The following PLXNA4 variants were observed in gnomAD, a reference collection of about 807,000 sequenced individuals.
PLXNA4 encodes the protein plexin-A4.
PLXNA4 carries 44 observed loss-of-function variants against 191.8 expected under a neutral mutation model. That is an observed-to-expected ratio of 0.23 (90% CI 0.18 to 0.29). The LOEUF is 0.29. PLXNA4 is among the 10% of genes least tolerant of loss of function. The pLI is 1.00. For missense variants in PLXNA4, 1,800 were observed against 2,488.8 expected (o/e 0.72, Z 5.89); for synonymous variants, 1,082 against 1,009.5 (o/e 1.07, Z -1.36).
At chr7:132,332,191 C>T (rs753438145) in intron 3 of PLXNA4, among the ~76,000 whole-genome samples, 2 of 152,158 alleles carry the variant, frequency 1.3e-5, no homozygotes, top group East Asian at 1.9e-4. Context: ...GTGCCCACGT[C>T]GAGTGTGGAA....
intron 3 of PLXNA4, among the ~76,000 whole-genome samples, chr7:132,402,033 G>A (rs745648007): frequency 7.9e-5 from 12 of 152,090 alleles, no homozygotes; most frequent in Admixed American, 3.9e-4. Flanking sequence ...TTCCCCAGTC[G>A]AGAGCCCAGC....
intron 2 of PLXNA4, among the ~76,000 whole-genome samples, chr7:132,601,628 C>T (rs1258279749): frequency 1.3e-5 from 2 of 152,190 alleles, no homozygotes; most frequent in Non-Finnish European, 1.5e-5. Context: ...GATAAAGTGC[C>T]TGGGTTCCTT....
At chr7:132,306,569 G>A (rs1801530982) in intron 3 of PLXNA4, among the ~76,000 whole-genome samples, 1 of 152,200 alleles carries the variant, frequency 6.6e-6, no homozygotes, top group African/African-American at 2.4e-5. Flanking sequence ...GGTTCTAAAT[G>A]ATGTAGCCCT....
At position 132,422,008 on chromosome 7, in the gene PLXNA4, T is replaced by C. The variant is rs547284897; in HGVS notation, c.1371+67284A>G. 4.6e-5 allele frequency among the ~76,000 whole-genome samples: 7 copies of C among 152,316 alleles called. No homozygotes were observed. In the South Asian group the frequency reaches 1.5e-3, roughly 32 times the overall value. On this transcript the variant is annotated intron_variant, in intron 3 of 31. Transcript: ENST00000321063. ...TTCTCCCAACAATGAGGTAATGTCT[T>C]CAAAGTGCCCTGAGCCTTTCACAGG...
At chr7:132,615,725 G>C (rs888788486) in intron 2 of PLXNA4, among the ~76,000 whole-genome samples, 9 of 152,142 alleles carry the variant, frequency 5.9e-5, no homozygotes. Context: ...TTGAGCCAGA[G>C]GAAGAAAAAC....
intron 1 of PLXNA4, among the ~76,000 whole-genome samples, chr7:132,535,179 T>A (rs1799781880): frequency 6.6e-6 from 1 of 152,184 alleles, no homozygotes; most frequent in Admixed American, 6.5e-5. Context: ...AAAAAAGAAA[T>A]CAAAACTATG....
chr7:132,241,299 A>C, intron 4 of PLXNA4, 133 bp from the exon 5 acceptor site: 2 of 612,594 alleles, frequency 3.3e-6, no homozygotes, highest in South Asian at 5.2e-5. Flanking sequence ...CTTGGAGCCC[A>C]GTGTGGGAAG....
chr7:132,134,395 A>G (rs979668669), intron 30 of PLXNA4, among the ~76,000 whole-genome samples: 1 of 152,138 alleles, frequency 6.6e-6, no homozygotes, highest in Non-Finnish European at 1.5e-5. Flanking sequence ...TTCCTGTGCC[A>G]TCTCAGTCAT....
Position 132,146,522 on chromosome 7 carries a change from G to A in PLXNA4, c.5043C>T (p.Leu1681=). 2 of 1,614,146 alleles carry A rather than the reference G, an allele frequency of 1.2e-6. No individual in the cohort carries two copies. The highest frequency in any genetic ancestry group is 1.1e-5 in the South Asian group (1 of 91,072). Reference sequence around the variant, plus strand: ...TCAAGTCTGATACCTTAGTGGCCAGGAGTCGGGTCAGGTAGATTTCAGACA... The same window carrying A: ...TCAAGTCTGATACCTTAGTGGCCAGAAGTCGGGTCAGGTAGATTTCAGACA... ...KMVSEIYLTR[L]LATKGTLQKF... is the part of the protein sequence containing the mutation. Residue 1681 remains leucine (L), a synonymous_variant, in exon 28 of 32, where the codon CTC becomes CTT. Coordinates refer to ENST00000321063, the MANE Select transcript of PLXNA4 (RefSeq NM_020911.2).
At chr7:132,484,895 G>A in intron 3 of PLXNA4, 1 of 1,614,190 alleles carries the variant, frequency 6.2e-7, no homozygotes, top group Non-Finnish European at 8.5e-7. Flanking sequence ...TTTGTGACTT[G>A]AGCACTGAAG....
intron 12 of PLXNA4, among the ~76,000 whole-genome samples, chr7:132,201,430 T>C (rs1459128369): frequency 1.3e-5 from 2 of 152,198 alleles, no homozygotes; most frequent in Non-Finnish European, 2.9e-5. Context: ...CCTATGACTG[T>C]GCCTGCCACT....
At chr7:132,365,164 T>C (rs1215535178) in intron 3 of PLXNA4, among the ~76,000 whole-genome samples, 2 of 152,160 alleles carry the variant, frequency 1.3e-5, no homozygotes, top group Non-Finnish European at 2.9e-5. Flanking sequence ...CTCATCTCAT[T>C]GAAGTCTATG....
intron 10 of PLXNA4, among the ~76,000 whole-genome samples, chr7:132,210,430 C>T (rs1178186619): frequency 6.6e-6 from 1 of 152,180 alleles, no homozygotes; most frequent in Non-Finnish European, 1.5e-5. Flanking sequence ...AAGCAGCGCT[C>T]TCCTAGCCAG....
intron 3 of PLXNA4, among the ~76,000 whole-genome samples, chr7:132,337,190 A>T (rs1166412036): frequency 6.6e-6 from 1 of 152,232 alleles, no homozygotes; most frequent in African/African-American, 2.4e-5. Context: ...TCTCCCCCAT[A>T]AAGGCAGGGA....
chr7:132,291,051 CG>C, intron 4 of PLXNA4, among the ~76,000 whole-genome samples: 1 of 152,314 alleles, frequency 6.6e-6, no homozygotes, highest in Non-Finnish European at 1.5e-5. Flanking sequence ...CAGGTGCACA[CG>C]GAGGCTGGGG....
chr7:132,521,048 A>G (rs1018727433), intron 1 of PLXNA4, among the ~76,000 whole-genome samples: 1 of 152,078 alleles, frequency 6.6e-6, no homozygotes, highest in Non-Finnish European at 1.5e-5. Flanking sequence ...ATATTCATGT[A>G]ATTAGTGCTA....
At chr7:132,424,118 C>T (rs987630799) in intron 3 of PLXNA4, among the ~76,000 whole-genome samples, 6 of 152,130 alleles carry the variant, frequency 3.9e-5, no homozygotes, top group Admixed American at 3.3e-4. Context: ...AGGCATGAGC[C>T]CACGCCTCCT....
chr7:132,307,208 C>T (rs1027007014), intron 3 of PLXNA4, among the ~76,000 whole-genome samples: 1 of 152,156 alleles, frequency 6.6e-6, no homozygotes, highest in Non-Finnish European at 1.5e-5. Flanking sequence ...AAGCACCTCA[C>T]ATCTTCCCCA....
intron 2 of PLXNA4, among the ~76,000 whole-genome samples, chr7:132,642,806 C>T (rs1232595191): frequency 2.6e-5 from 4 of 152,088 alleles, no homozygotes; most frequent in Admixed American, 2.6e-4. Flanking sequence ...CCAAAAAAAA[C>T]CAACATGGAA....
Sources: allele counts gnomAD v4.1 joint callset (sites outside exome capture counted in the v4.1 genomes callset), GRCh38; gene constraint gnomAD v4.1.1; transcripts MANE v1.5; gene names NCBI Gene and HGNC (gene_info 2026-07-23, HGNC 2026-07-21).